SYT9: variants seen among roughly 807,000 people sequenced by gnomAD.
SYT9 encodes synaptotagmin 9, also known as synaptotagmin-9.
SYT9 carries 22 observed loss-of-function variants against 48.4 expected under a neutral mutation model. The ratio of observed to expected loss-of-function variants is 0.45; its 90% CI spans 0.32 to 0.65. The LOEUF (loss-of-function observed/expected upper bound fraction) is 0.65, where lower values mean the gene tolerates loss of function less well. Among genes scored for constraint, SYT9 ranks in the 30% least tolerant of loss-of-function variants. The probability of loss-of-function intolerance (pLI) is 0.03; values close to 1 mark genes in which losing one functional copy is unlikely to be tolerated. For missense variants in SYT9, 577 were observed against 622.0 expected (o/e 0.93, Z 0.77); for synonymous variants, 265 against 245.0 (o/e 1.08, Z -0.76).
At chr11:7,415,729 G>A (rs1193287833) in intron 3 of SYT9, among the ~76,000 whole-genome samples, 2 of 152,118 alleles carry the variant, frequency 1.3e-5, no homozygotes, top group South Asian at 2.1e-4. Context: ...TGCACTGGAG[G>A]ATGTGTTCTG....
intron 3 of SYT9, among the ~76,000 whole-genome samples, chr11:7,329,737 G>A (rs1464815898): frequency 6.6e-6 from 1 of 152,166 alleles, no homozygotes; most frequent in Non-Finnish European, 1.5e-5. Flanking sequence ...CAGATGAAGG[G>A]GTTAGAAATG....
Position 7,313,650 on chromosome 11 carries a change from C to G in SYT9, c.753C>G (p.Asp251Glu). 1 of 1,614,174 alleles carries G rather than the reference C, an allele frequency of 6.2e-7. No individual in the cohort carries two copies. The highest frequency in any genetic ancestry group is 8.5e-7 in the Non-Finnish European group (1 of 1,180,006). ...AAGCTGTCAATTTGCCCGCCAAGGA[C>G]TTTTCTGGGACTTCAGATCCTTATG... Reference protein sequence around the residue: ...IHKAVNLPAKDFSGTSDPYVK... With the variant: ...IHKAVNLPAKEFSGTSDPYVK... The change falls in exon 3 of 7, where the codon GAC becomes GAG. Residue 251 changes from aspartate (D) to glutamate (E), a missense_variant. Asp to Glu is a conservative substitution (Grantham distance 45). Transcript: ENST00000318881.
At chr11:7,347,941 A>G (rs1364698376) in intron 3 of SYT9, among the ~76,000 whole-genome samples, 1 of 152,202 alleles carries the variant, frequency 6.6e-6, no homozygotes, top group Non-Finnish European at 1.5e-5. Context: ...AGCAGGAAGC[A>G]ATTCCGTGAA....
At chr11:7,403,582 C>G (rs34826579) in intron 3 of SYT9, among the ~76,000 whole-genome samples, 30 of 98,730 alleles carry the variant, frequency 3.0e-4, no homozygotes, top group South Asian at 5.1e-4. Flanking sequence ...GAGAGAGAGA[C>G]ACACACATGT....
chr11:7,427,694 A>G (rs1011012487), intron 6 of SYT9: 3 of 152,230 alleles, frequency 2.0e-5, no homozygotes, highest in Non-Finnish European at 4.4e-5. Flanking sequence ...GGAATGGGGT[A>G]TTTTTTGACA....
At chr11:7,367,369 C>T (rs959586323) in intron 3 of SYT9, among the ~76,000 whole-genome samples, 1 of 151,964 alleles carries the variant, frequency 6.6e-6, no homozygotes, top group African/African-American at 2.4e-5. Context: ...GCGTGAGCCA[C>T]CGCGCCCGGC....
intron 3 of SYT9, among the ~76,000 whole-genome samples, chr11:7,338,872 T>A (rs1285034349): frequency 6.6e-6 from 1 of 152,142 alleles, no homozygotes; most frequent in Admixed American, 6.6e-5. Flanking sequence ...TGGTCCAATA[T>A]TGAGTTCAGG....
At chr11:7,304,165 T>C (rs191552420) in intron 2 of SYT9, among the ~76,000 whole-genome samples, 1 of 152,314 alleles carries the variant, frequency 6.6e-6, no homozygotes, top group East Asian at 1.9e-4. Flanking sequence ...GATTTGTAGG[T>C]GGTTTTAAGA....
At chr11:7,247,915 AGT>A (rs765693925), upstream of SYT9, among the ~76,000 whole-genome samples, 30 of 152,106 alleles carry the variant, frequency 2.0e-4, no homozygotes, top group South Asian at 5.8e-3. Context: ...TGTTTTCCAT[AGT>A]GGTTGTACCA....
rs759372659 is a variant in SYT9, at chr11:7,449,322, CAAAAAAA to C, written c.1468-17448_1468-17442del. 5.1e-4 allele frequency among the ~76,000 whole-genome samples: 23 copies of C among 44,770 alleles called. No individual in the cohort carries two copies. The East Asian group carries it at 0.016, about 31-fold the overall frequency. The allele number at this position is 44,770 out of a possible 152,430, so 29.4% of individuals were successfully genotyped here. The stretch of plus-strand genomic sequence containing the variant: ...TGGGCAACAGAGTGAGACTCCACCT[CAAAAAAA>C]AAAAAAAAAAAAAAAAAAAAATGGA... On this transcript the variant is annotated intron_variant, in intron 6 of 6. Transcript: ENST00000318881.
intron 6 of SYT9, chr11:7,441,858 G>C (rs1847835117): frequency 6.6e-6 from 1 of 152,072 alleles, no homozygotes; most frequent in African/African-American, 2.4e-5. Context: ...TTCAGCCCTG[G>C]AGATGGATCC....
Position 7,418,093 on chromosome 11 carries a change from A to T in SYT9, c.1302A>T (p.Gln434His), listed in dbSNP as rs369237179. The T allele has an allele frequency of 9.3e-6, 15 of 1,614,058 alleles. No homozygotes were observed. The highest frequency in any genetic ancestry group is 1.3e-5 in the Non-Finnish European group (15 of 1,179,998). ...VFDVPPENID[Q>H]IHLSIAVMDY... ...ATGTCCCTCCCGAGAACATTGACCA[A>T]ATCCACTTGTCCATAGCAGTCATGG... The change falls in exon 5 of 7, where the codon CAA becomes CAT. Residue 434 changes from glutamine (Q) to histidine (H), a missense_variant. Coordinates refer to ENST00000318881, the MANE Select transcript of SYT9 (RefSeq NM_175733.4).
chr11:7,346,294 G>A (rs538484074), intron 3 of SYT9, among the ~76,000 whole-genome samples: 1 of 152,084 alleles, frequency 6.6e-6, no homozygotes, highest in Admixed American at 6.6e-5. Context: ...ACAGCTAAGA[G>A]CCAGTAGTGG....
intron 3 of SYT9, among the ~76,000 whole-genome samples, chr11:7,384,537 T>C (rs1031638492): frequency 4.0e-4 from 61 of 152,310 alleles, no homozygotes; most frequent in Admixed American, 3.9e-4. Context: ...CTTCAAAATG[T>C]GATGACCTCT....
chr11:7,373,126 T>C (rs1314845318), intron 3 of SYT9, among the ~76,000 whole-genome samples: 1 of 152,140 alleles, frequency 6.6e-6, no homozygotes, highest in African/African-American at 2.4e-5. Context: ...ATAGATTTTA[T>C]TCATTAATAC....
At chr11:7,381,257 A>T (rs1019333206) in intron 3 of SYT9, among the ~76,000 whole-genome samples, 3 of 151,872 alleles carry the variant, frequency 2.0e-5, no homozygotes, top group African/African-American at 7.3e-5. Flanking sequence ...AGCCTAAGTT[A>T]AAAAAAAGGA....
chr11:7,262,151 G>T (rs1848092074), intron 1 of SYT9, among the ~76,000 whole-genome samples: 1 of 152,160 alleles, frequency 6.6e-6, no homozygotes, highest in South Asian at 2.1e-4. Flanking sequence ...GGAAGGTGGA[G>T]ATGACAACAT....
At chr11:7,262,485 G>A (rs532233704) in intron 1 of SYT9, among the ~76,000 whole-genome samples, 15 of 152,060 alleles carry the variant, frequency 9.9e-5, no homozygotes, top group Non-Finnish European at 1.2e-4. Flanking sequence ...AAGGGGACCC[G>A]CACTAAGTTC....
intron 3 of SYT9, among the ~76,000 whole-genome samples, chr11:7,343,680 C>A (rs1457207417): frequency 1.3e-5 from 2 of 152,188 alleles, no homozygotes; most frequent in African/African-American, 4.8e-5. Context: ...AAGTCACTTC[C>A]ACATTTTCAT....
Sources: gnomAD v4.1 joint callset for allele counts (sites outside exome capture counted in the v4.1 genomes callset) on GRCh38, gnomAD v4.1.1 for gene constraint, MANE v1.5 for transcripts, NCBI Gene and HGNC (gene_info 2026-07-23, HGNC 2026-07-21) for gene names.